ARHGEF19: variants seen among roughly 807,000 people sequenced by gnomAD.
ARHGEF19 encodes Rho guanine nucleotide exchange factor (GEF) 19.
In ARHGEF19, 92 loss-of-function variants were observed where a neutral mutation model predicts 87.6. That is an observed-to-expected ratio of 1.05 (90% CI 0.89 to 1.25). The LOEUF (loss-of-function observed/expected upper bound fraction) is 1.25. Among genes scored for constraint, ARHGEF19 ranks in the 50% most tolerant of loss-of-function variants. ARHGEF19 has a pLI of 0.00. For synonymous variants in ARHGEF19, 438 were observed against 446.2 expected, an observed-to-expected ratio of 0.98 and a Z score of 0.23; for missense variants, 1,054 against 1,051.8, an observed-to-expected ratio of 1.00 and a Z score of -0.03.
Position 16,207,394 on chromosome 1 carries a change from A to C in ARHGEF19, c.874+128T>G, listed in dbSNP as rs1418769948. ...ATTGAGCACCTACTGAGTGCTAGATACCGACAGTTCCATTCTCCGTTTCTC... is the reference window on the plus strand; with the variant it reads ...ATTGAGCACCTACTGAGTGCTAGATCCCGACAGTTCCATTCTCCGTTTCTC... On this transcript the variant is annotated intron_variant, in intron 5 of 15. Coordinates refer to ENST00000270747, the MANE Select transcript of ARHGEF19 (RefSeq NM_153213.5). This position sits in a 1 kb window ranked among gnomAD's most constrained non-coding sequence, Gnocchi z 4.0. 1.3e-5 allele frequency: 18 copies of C among 1,354,956 alleles called. No individual in the cohort carries two copies. The highest frequency in any genetic ancestry group is 1.8e-5 in the Non-Finnish European group (18 of 992,364). The allele number at this position is 1,354,956 out of a possible 1,614,324, so 83.9% of individuals were successfully genotyped here.
In ARHGEF19 at chr1:16,208,073, C is replaced by T. The variant is rs1392672765; in HGVS notation, c.565G>A (p.Glu189Lys). Residue 189 changes from glutamate to lysine, a missense_variant, in exon 3 of 16, where the codon GAA becomes AAA. Coordinates refer to ENST00000270747, the MANE Select transcript of ARHGEF19 (RefSeq NM_153213.5). ...GAGAAGCGCCTCCGCTCAGGACCTT[C>T]GAGGCTCACTCGGGTGGACCCAGAC... ...ELSGSTRVSL[E>K]GPERRRFSAS... 5 of 1,613,990 alleles carry T rather than the reference C, an allele frequency of 3.1e-6. No homozygotes were observed. Among genetic ancestry groups the T allele is most frequent in the South Asian group, 2.2e-5 (2 of 91,092 alleles).
Position 16,206,885 on chromosome 1 carries a change from A to G in ARHGEF19, c.1137+63T>C. On this transcript the variant is annotated intron_variant, in intron 6 of 15. Transcript: ENST00000270747. The surrounding 1 kb of genome is among the most constrained non-coding windows in gnomAD (Gnocchi z 4.6). ...CTCCCTCTATGGCCCGGTTCCCGCT[A>G]AGTCCCCGGACCGCGTACTCCCCGG... The G allele has an allele frequency of 8.7e-6, 12 of 1,377,254 alleles. No homozygotes were observed. Among genetic ancestry groups the G allele is most frequent in the Non-Finnish European group, 1.1e-5 (12 of 1,073,864 alleles). The allele number at this position is 1,377,254 out of a possible 1,614,324, so 85.3% of individuals were successfully genotyped here.
intron 14 of ARHGEF19, among the ~76,000 whole-genome samples, chr1:16,200,696 A>C (rs1007938843): frequency 2.0e-5 from 3 of 151,814 alleles, no homozygotes; most frequent in Admixed American, 1.3e-4. Context: ...GTGAGCCAAG[A>C]TTGTGCCATT....
Position 16,206,834 on chromosome 1 carries a change from G to T in ARHGEF19, c.1137+114C>A, listed in dbSNP as rs1418189753. 1.6e-6 allele frequency: 2 copies of T among 1,289,238 alleles called. No homozygotes were observed. The highest frequency in any genetic ancestry group is 3.0e-5 in the East Asian group (1 of 32,818). The allele number at this position is 1,289,238 out of a possible 1,614,324, so 79.9% of individuals were successfully genotyped here. ...GCCAACCTTCCGCGCGGACAGTCGCGCCAGCAACCCCCTTTGTGTGTCCCC... is the reference window on the plus strand; with the variant it reads ...GCCAACCTTCCGCGCGGACAGTCGCTCCAGCAACCCCCTTTGTGTGTCCCC... On this transcript the variant is annotated intron_variant, in intron 6 of 15. Transcript: ENST00000270747. The surrounding 1 kb of genome is among the most constrained non-coding windows in gnomAD (Gnocchi z 4.6).
In ARHGEF19 at chr1:16,204,755, T is replaced by C; in HGVS notation, c.1907+4A>G. Reference sequence around the variant, plus strand: ...CCTACCCACCCCTGACTGCCCCGACTCACTCCTTCCGCCGAGAGAGCAGCA... The same window carrying C: ...CCTACCCACCCCTGACTGCCCCGACCCACTCCTTCCGCCGAGAGAGCAGCA... On this transcript the variant is annotated splice_donor_region_variant and intron_variant, in intron 12 of 15. Coordinates refer to ENST00000270747, the MANE Select transcript of ARHGEF19 (RefSeq NM_153213.5). 1 of 1,588,768 alleles carries C rather than the reference T, an allele frequency of 6.3e-7. No homozygotes were observed. The highest frequency in any genetic ancestry group is 8.6e-7 in the Non-Finnish European group (1 of 1,163,642).
In ARHGEF19 at chr1:16,207,128, G is replaced by C; in HGVS notation, c.957C>G (p.Asp319Glu). The C allele has an allele frequency of 6.6e-7, 1 of 1,520,366 alleles. No individual in the cohort carries two copies. Among genetic ancestry groups the C allele is most frequent in the Non-Finnish European group, 8.8e-7 (1 of 1,138,066 alleles). 94.2% of individuals were successfully genotyped at this position (1,520,366 alleles called of 1,614,324 possible). Residue 319 changes from aspartate (D) to glutamate (E), a missense_variant, in exon 6 of 16, where the codon GAC becomes GAG. Asp to Glu is a conservative substitution (Grantham distance 45, BLOSUM62 2). Transcript: ENST00000270747. The surrounding 1 kb of genome is among the most constrained non-coding windows in gnomAD (Gnocchi z 4.0). ...GCCCCTCCTCTGCGCCCTCGGCCTC[G>C]TCCCCCGGGCCCTCCTCCTCGCGCT... ...RQQREEEGPG[D>E]EAEGAEEGPG...
Position 16,205,058 on chromosome 1 carries a change from T to A in ARHGEF19, c.1746+29A>T. 1 of 1,579,810 alleles carries A rather than the reference T, an allele frequency of 6.3e-7. No homozygotes were observed. Among genetic ancestry groups the A allele is most frequent in the East Asian group, 2.3e-5 (1 of 43,188 alleles). ...AAGAAACAAGAGCTGCCCCTTGGGG[T>A]CCCCATCCCGCTGGCTGCAGACACA... On this transcript the variant is annotated intron_variant, in intron 11 of 15. Coordinates refer to ENST00000270747, the MANE Select transcript of ARHGEF19 (RefSeq NM_153213.5). This position sits in a 1 kb window ranked among gnomAD's most constrained non-coding sequence, Gnocchi z 5.8.
chr1:16,205,292 G>A lies in ARHGEF19; in HGVS notation c.1656+59C>T, dbSNP rs555784579. The A allele has an allele frequency of 6.5e-5, 105 of 1,610,502 alleles. No homozygotes were observed. The highest frequency in any genetic ancestry group is 8.0e-5 in the Non-Finnish European group (94 of 1,177,352). ...GACAGCTGGGGGCTGTTTTAGAGACGTGCTGGGGGTCCAGGGGGGGCCTCA... is the reference window on the plus strand; with the variant it reads ...GACAGCTGGGGGCTGTTTTAGAGACATGCTGGGGGTCCAGGGGGGGCCTCA... On this transcript the variant is annotated intron_variant, in intron 10 of 15. Transcript: ENST00000270747. This position sits in a 1 kb window ranked among gnomAD's most constrained non-coding sequence, Gnocchi z 5.8.
chr1:16,211,873 T>A (rs972990426), intron 1 of ARHGEF19, among the ~76,000 whole-genome samples: 1 of 152,184 alleles, frequency 6.6e-6, no homozygotes, highest in Non-Finnish European at 1.5e-5. Flanking sequence ...GAGACTCTTG[T>A]GTCTACTAGG....
At chr1:16,210,830 GA>G (rs1288704769) in intron 1 of ARHGEF19, among the ~76,000 whole-genome samples, 3 of 152,214 alleles carry the variant, frequency 2.0e-5, no homozygotes, top group East Asian at 3.9e-4. Flanking sequence ...AGTGCACTTA[GA>G]GGGAAAGCCT....
rs1357290746 is a variant in ARHGEF19 at position 16,208,221 on chromosome 1, G to C, written c.417C>G (p.Arg139=). Residue 139 remains arginine (R), a synonymous_variant, in exon 3 of 16, where the codon CGC becomes CGG. Transcript: ENST00000270747. ...CTTCACGCTGGTACACCCGCATCTTGCGCCCTAGGGTTGGGGGCAAGGAGT... is the reference window on the plus strand; with the variant it reads ...CTTCACGCTGGTACACCCGCATCTTCCGCCCTAGGGTTGGGGGCAAGGAGT... ...SHGSEKKSAW[R]KMRVYQREEV... is the part of the protein sequence containing the mutation. The C allele has an allele frequency of 6.2e-7, 1 of 1,612,136 alleles. No individual in the cohort carries two copies. The highest frequency in any genetic ancestry group is 8.5e-7 in the Non-Finnish European group (1 of 1,178,946).
intron 1 of ARHGEF19, 82 bp from the exon 2 acceptor site, chr1:16,209,165 C>T: frequency 9.4e-7 from 1 of 1,061,452 alleles, no homozygotes; most frequent in Non-Finnish European, 1.3e-6. Flanking sequence ...CCTGGACAAA[C>T]CCCTGTGTAC....
At position 16,199,303 on chromosome 1, in the gene ARHGEF19, G is replaced by A. The variant is rs377204206; in HGVS notation, c.2147-49C>T. On this transcript the variant is annotated intron_variant, in intron 14 of 15. Coordinates refer to ENST00000270747, the MANE Select transcript of ARHGEF19 (RefSeq NM_153213.5). The stretch of plus-strand genomic sequence containing the variant: ...GGAGTCCCAAGGGCAGGATGGCAGG[G>A]GGAGGAGCATGGGTAGGGCAGGGAG... The A allele has an allele frequency of 7.1e-4, 1,107 of 1,566,498 alleles. 3 individuals carry two copies. The highest frequency in any genetic ancestry group is 2.8e-3 in the Middle Eastern group (17 of 5,982).
Position 16,207,000 on chromosome 1 carries a change from C to T in ARHGEF19, c.1085G>A (p.Arg362His). 2 of 1,517,174 alleles carry T rather than the reference C, an allele frequency of 1.3e-6. No individual in the cohort carries two copies. The highest frequency in any genetic ancestry group is 1.8e-6 in the Non-Finnish European group (2 of 1,135,918). 94.0% of individuals were successfully genotyped at this position (1,517,174 alleles called of 1,614,324 possible). A position where few individuals can be genotyped will look rare whatever the true frequency, so the allele number is the denominator to read the frequency against. Residue 362 changes from arginine to histidine, a missense_variant, in exon 6 of 16, where the codon CGC (arginine) becomes CAC (histidine). Transcript: ENST00000270747. The surrounding 1 kb of genome is among the most constrained non-coding windows in gnomAD (Gnocchi z 4.6). ...CAGCGTGGCCAGGACGCCGCTGCCGCGTACGTCGGGGATATCCTGCCACAG... is the reference window on the plus strand; with the variant it reads ...CAGCGTGGCCAGGACGCCGCTGCCGTGTACGTCGGGGATATCCTGCCACAG... ...FSLWQDIPDV[R>H]GSGVLATLSL...
Position 16,202,396 on chromosome 1 carries a change from C to T in ARHGEF19, c.2066+20G>A. The T allele has an allele frequency of 6.3e-7, 1 of 1,596,108 alleles. No homozygotes were observed. ...ATGGGGAGGGGGAGCCTCCTCTCTCCCATATCCAGGCCCACTCACTCCGTC... is the reference window on the plus strand; with the variant it reads ...ATGGGGAGGGGGAGCCTCCTCTCTCTCATATCCAGGCCCACTCACTCCGTC... On this transcript the variant is annotated intron_variant, in intron 13 of 15. Transcript: ENST00000270747.
chr1:16,206,054 T>A lies in ARHGEF19; in HGVS notation c.1328A>T (p.Glu443Val), dbSNP rs141569326. Residue 443 changes from glutamate (E) to valine (V), a missense_variant, in exon 8 of 16, where the codon GAG becomes GTG. Coordinates refer to ENST00000270747, the MANE Select transcript of ARHGEF19 (RefSeq NM_153213.5). The surrounding 1 kb of genome is among the most constrained non-coding windows in gnomAD (Gnocchi z 4.6). Reference protein sequence around the residue: ...RFLQDLEQRLEADVLRFSVCD... With the variant: ...RFLQDLEQRLVADVLRFSVCD... ...CACGCTGAAGCGCAGCACATCTGCCTCCAGCCGCTGCTCCAGGTCCTGCAG... is the reference window on the plus strand; with the variant it reads ...CACGCTGAAGCGCAGCACATCTGCCACCAGCCGCTGCTCCAGGTCCTGCAG... 7.5e-4 allele frequency: 1,183 copies of A among 1,585,122 alleles called. 1 individual carries two copies. Among genetic ancestry groups the A allele is most frequent in the Non-Finnish European group, 9.6e-4 (1,118 of 1,165,578 alleles).
rs1280292373 is a variant in ARHGEF19 at position 16,206,914 on chromosome 1, G to A, written c.1137+34C>T. On this transcript the variant is annotated intron_variant, in intron 6 of 15. Transcript: ENST00000270747. This position sits in a 1 kb window ranked among gnomAD's most constrained non-coding sequence, Gnocchi z 4.6. ...CCCCGGACCGCGTACTCCCCGGCCCGCCCCCGCCCCGCCGGGTCCCCGCGC... is the reference window on the plus strand; with the variant it reads ...CCCCGGACCGCGTACTCCCCGGCCCACCCCCGCCCCGCCGGGTCCCCGCGC... 1 of 1,309,710 alleles carries A rather than the reference G, an allele frequency of 7.6e-7. No homozygotes were observed. Among genetic ancestry groups the A allele is most frequent in the Non-Finnish European group, 9.7e-7 (1 of 1,031,644 alleles). 81.1% of individuals were successfully genotyped at this position (1,309,710 alleles called of 1,614,324 possible).
chr1:16,201,730 G>A (rs1186386677), intron 14 of ARHGEF19, 52 bp downstream of exon 14: 3 of 1,575,634 alleles, frequency 1.9e-6, no homozygotes, highest in African/African-American at 2.7e-5. Flanking sequence ...GAGGGGAGGA[G>A]AGCGGGCGAG....
chr1:16,207,732 T>TCC lies in ARHGEF19; in HGVS notation c.738_739dup (p.Asp247GlyfsTer22). The TCC allele has an allele frequency of 6.2e-7, 1 of 1,613,862 alleles. No individual in the cohort carries two copies. Reference sequence around the variant, plus strand: ...ACCAGGGGCTGGCCGCGACACCCGGTCCCCGCTCATCTCTACACTTCGAGC... The same window carrying TCC: ...ACCAGGGGCTGGCCGCGACACCCGGTCCCCCCGCTCATCTCTACACTTCGAGC... On this transcript the variant is annotated frameshift_variant, in exon 4 of 16. Coordinates refer to ENST00000270747, the MANE Select transcript of ARHGEF19 (RefSeq NM_153213.5). LOFTEE classifies it high-confidence loss of function. The surrounding 1 kb of genome is among the most constrained non-coding windows in gnomAD (Gnocchi z 4.0).
Sources: allele counts gnomAD v4.1 joint callset (sites outside exome capture counted in the v4.1 genomes callset), GRCh38; gene constraint gnomAD v4.1.1; non-coding constraint Gnocchi (gnomAD v3.1); transcripts MANE v1.5; gene names NCBI Gene and HGNC (gene_info 2026-07-23, HGNC 2026-07-21).